NDUFAF2: variants seen among roughly 807,000 people sequenced by gnomAD.
The protein encoded by NDUFAF2 is NADH:ubiquinone oxidoreductase complex assembly factor 2.
NDUFAF2 carries 13 observed loss-of-function variants against 22.8 expected under a neutral mutation model. The ratio of observed to expected loss-of-function variants is 0.57; its 90% CI spans 0.37 to 0.91. NDUFAF2 has a LOEUF of 0.91. NDUFAF2 is among the 40% of genes least tolerant of loss of function. NDUFAF2 has a pLI of 0.01. For synonymous variants in NDUFAF2, 53 were observed against 64.2 expected (o/e 0.83, Z 0.84); for missense variants, 162 against 195.2 (o/e 0.83, Z 1.01).
At chr5:60,945,473 A>G (rs762372457) in intron 1 of NDUFAF2, 91 bp downstream of exon 1, 20 of 1,547,174 alleles carry the variant, frequency 1.3e-5, no homozygotes, top group Non-Finnish European at 1.8e-5. Context: ...CAACTAACGC[A>G]TCATGCGACA....
intron 1 of NDUFAF2, among the ~76,000 whole-genome samples, chr5:60,954,272 A>T (rs1235712418): frequency 6.6e-6 from 1 of 152,140 alleles, no homozygotes; most frequent in Admixed American, 6.5e-5. Context: ...ACATGGTCAA[A>T]TTTTTTTCTG....
chr5:61,117,142 AT>A (rs1055550222), intron 3 of NDUFAF2, among the ~76,000 whole-genome samples: 1 of 152,192 alleles, frequency 6.6e-6, no homozygotes, highest in African/African-American at 2.4e-5. Flanking sequence ...AACTGAAAAA[AT>A]AACTAACAGT....
intron 2 of NDUFAF2, among the ~76,000 whole-genome samples, chr5:61,086,342 G>A (rs1448122443): frequency 6.6e-6 from 1 of 152,090 alleles, no homozygotes; most frequent in Non-Finnish European, 1.5e-5. Flanking sequence ...TTAAAATACA[G>A]AGAACCTAGA....
intron 3 of NDUFAF2, among the ~76,000 whole-genome samples, chr5:61,144,115 A>G (rs937228829): frequency 1.2e-4 from 18 of 151,994 alleles, no homozygotes; most frequent in African/African-American, 3.6e-4. Context: ...ATGTCTATCA[A>G]TATAAAAATT....
At chr5:61,049,563 A>G (rs1435722725) in intron 1 of NDUFAF2, among the ~76,000 whole-genome samples, 1 of 152,090 alleles carries the variant, frequency 6.6e-6, no homozygotes, top group Non-Finnish European at 1.5e-5. Context: ...TTATCTTGCA[A>G]AGCTAAAACT....
At chr5:61,150,357 TTC>T (rs1178994086) in intron 3 of NDUFAF2, among the ~76,000 whole-genome samples, 1 of 152,190 alleles carries the variant, frequency 6.6e-6, no homozygotes, top group Non-Finnish European at 1.5e-5. Flanking sequence ...CAAAAGGAAA[TTC>T]TTTTTTAGGA....
intron 2 of NDUFAF2, among the ~76,000 whole-genome samples, chr5:61,089,406 T>C (rs1752540872): frequency 6.6e-6 from 1 of 152,152 alleles, no homozygotes; most frequent in Admixed American, 6.6e-5. Context: ...TCAGACTGTT[T>C]TGAAGTTAAC....
chr5:61,105,644 A>AT (rs1752754091), intron 3 of NDUFAF2, among the ~76,000 whole-genome samples: 11 of 143,600 alleles, frequency 7.7e-5, no homozygotes. Flanking sequence ...AAAAAAAAAA[A>AT]GCAGCTACAG....
chr5:61,012,447 C>T (rs12516995), intron 1 of NDUFAF2, among the ~76,000 whole-genome samples: 62,276 of 151,798 alleles, frequency 0.41, 13,743 homozygotes, highest in East Asian at 0.81. Context: ...AATTTTCAGC[C>T]GATTCACTGA....
chr5:61,127,562 G>A (rs537347779), intron 3 of NDUFAF2, among the ~76,000 whole-genome samples: 1 of 152,080 alleles, frequency 6.6e-6, no homozygotes, highest in South Asian at 2.1e-4. Flanking sequence ...TGCAGAAAAG[G>A]CCTTCAACAA....
intron 3 of NDUFAF2, among the ~76,000 whole-genome samples, chr5:61,148,245 T>C (rs1011146745): frequency 6.6e-6 from 1 of 152,170 alleles, no homozygotes; most frequent in Non-Finnish European, 1.5e-5. Flanking sequence ...AAAGCTGGGA[T>C]GATATAGGGT....
intron 1 of NDUFAF2, among the ~76,000 whole-genome samples, chr5:61,021,623 C>G (rs939365982): frequency 2.6e-5 from 4 of 152,194 alleles, no homozygotes; most frequent in Non-Finnish European, 5.9e-5. Flanking sequence ...TTTTCCTTCC[C>G]CCACCTTTCC....
intron 2 of NDUFAF2, 148 bp from the exon 3 acceptor site, chr5:61,098,844 G>C (rs1752673934): frequency 3.9e-6 from 2 of 517,104 alleles, no homozygotes; most frequent in South Asian, 6.1e-5. Context: ...TGCTACAGTA[G>C]AGAAGGGACT....
intron 1 of NDUFAF2, among the ~76,000 whole-genome samples, chr5:60,991,078 T>G (rs1286002697): frequency 6.6e-6 from 1 of 152,208 alleles, no homozygotes; most frequent in African/African-American, 2.4e-5. Context: ...TTTGAACTAA[T>G]TGAAAATTTT....
At chr5:61,016,857 T>C (rs1751517676) in intron 1 of NDUFAF2, among the ~76,000 whole-genome samples, 1 of 152,190 alleles carries the variant, frequency 6.6e-6, no homozygotes, top group South Asian at 2.1e-4. Context: ...AACCTTGACC[T>C]CTCATTGTAC....
At chr5:61,112,597 T>C (rs897344415) in intron 3 of NDUFAF2, among the ~76,000 whole-genome samples, 1 of 152,210 alleles carries the variant, frequency 6.6e-6, no homozygotes, top group Non-Finnish European at 1.5e-5. Context: ...GATTTCCATT[T>C]GCATAAAATA....
At chr5:61,079,401 G>A (rs1324604506) in intron 2 of NDUFAF2, among the ~76,000 whole-genome samples, 1 of 152,108 alleles carries the variant, frequency 6.6e-6, no homozygotes, top group Non-Finnish European at 1.5e-5. Context: ...TACTACCTTG[G>A]TCATTTTGGC....
intron 1 of NDUFAF2, among the ~76,000 whole-genome samples, chr5:60,971,333 G>A (rs1750826024): frequency 6.6e-6 from 1 of 150,606 alleles, no homozygotes; most frequent in South Asian, 2.1e-4. Context: ...TTTCGCCCAG[G>A]CTGGAGTGCA....
intron 1 of NDUFAF2, among the ~76,000 whole-genome samples, chr5:60,986,481 G>A (rs1331855915): frequency 1.3e-5 from 2 of 152,116 alleles, no homozygotes; most frequent in Non-Finnish European, 2.9e-5. Flanking sequence ...CATTAAGAGG[G>A]AAATTTCTGG....
Sources: allele counts gnomAD v4.1 joint callset (sites outside exome capture counted in the v4.1 genomes callset), GRCh38; gene constraint gnomAD v4.1.1; transcripts MANE v1.5; gene names NCBI Gene and HGNC (gene_info 2026-07-23, HGNC 2026-07-21).